The following CDH12 variants were observed in gnomAD, a reference collection of about 807,000 sequenced individuals.
CDH12 encodes cadherin 12.
Under a neutral mutation model 74.1 loss-of-function variants are expected in CDH12, and 41 were observed. That is an observed-to-expected ratio of 0.55 (90% CI 0.43 to 0.72). The LOEUF is 0.72. Among genes scored for constraint, CDH12 ranks in the 30% least tolerant of loss-of-function variants. The probability of loss-of-function intolerance (pLI) is 0.00; values close to 1 mark genes in which losing one functional copy is unlikely to be tolerated. For synonymous variants in CDH12, 399 were observed against 355.0 expected (o/e 1.12, Z -1.39); for missense variants, 945 against 977.2 (o/e 0.97, Z 0.44).
chr5:22,135,420 T>C (rs1292583891), intron 4 of CDH12, among the ~76,000 whole-genome samples: 1 of 151,992 alleles, frequency 6.6e-6, no homozygotes, highest in Non-Finnish European at 1.5e-5. Flanking sequence ...GTTAAGGATC[T>C]AAGCGTATAA....
At chr5:22,332,030 G>A (rs547398352) in intron 3 of CDH12, among the ~76,000 whole-genome samples, 8 of 152,040 alleles carry the variant, frequency 5.3e-5, no homozygotes, top group African/African-American at 1.9e-4. Flanking sequence ...ACTTCAAAAG[G>A]GCAAATCTAA....
chr5:22,649,465 A>G (rs914393144), intron 1 of CDH12, among the ~76,000 whole-genome samples: 2 of 152,014 alleles, frequency 1.3e-5, no homozygotes, highest in African/African-American at 4.8e-5. Flanking sequence ...ATACTAATGC[A>G]AGGGGAACAC....
chr5:22,404,616 T>C (rs955028539), intron 3 of CDH12, among the ~76,000 whole-genome samples: 5 of 152,196 alleles, frequency 3.3e-5, no homozygotes, highest in African/African-American at 9.6e-5. Flanking sequence ...ATGAATCTCA[T>C]GCATCAAGGT....
At chr5:22,583,117 T>C (rs1392091216) in intron 1 of CDH12, among the ~76,000 whole-genome samples, 2 of 152,146 alleles carry the variant, frequency 1.3e-5, no homozygotes, top group Non-Finnish European at 2.9e-5. Context: ...AGGAGAATCT[T>C]GGTAGTTTGG....
intron 1 of CDH12, among the ~76,000 whole-genome samples, chr5:22,851,942 T>TA (rs1737575467): frequency 2.6e-5 from 4 of 152,212 alleles, no homozygotes; most frequent in Admixed American, 2.6e-4. Context: ...TTTATAACCT[T>TA]ACAACTGCTC....
chr5:22,781,221 G>A (rs1310114893), intron 1 of CDH12, among the ~76,000 whole-genome samples: 6 of 152,126 alleles, frequency 3.9e-5, no homozygotes, highest in African/African-American at 1.2e-4. Flanking sequence ...ATTTTTCTAA[G>A]CAAAGCTTTA....
At chr5:22,423,872 G>C (rs1406237181) in intron 2 of CDH12, among the ~76,000 whole-genome samples, 1 of 151,482 alleles carries the variant, frequency 6.6e-6, no homozygotes, top group African/African-American at 2.4e-5. Flanking sequence ...GCGTGTTGGC[G>C]GGCGCCTGTA....
chr5:22,649,111 G>A (rs1739591155), intron 1 of CDH12, among the ~76,000 whole-genome samples: 1 of 151,970 alleles, frequency 6.6e-6, no homozygotes, highest in Non-Finnish European at 1.5e-5. Context: ...GTCAAAAAAG[G>A]TAGGAGGGTG....
chr5:22,301,944 C>T (rs1358875873), intron 3 of CDH12, among the ~76,000 whole-genome samples: 1 of 151,754 alleles, frequency 6.6e-6, no homozygotes, highest in Non-Finnish European at 1.5e-5. Context: ...GCTAGGATTA[C>T]AGGTGTGAAC....
intron 8 of CDH12, among the ~76,000 whole-genome samples, chr5:21,824,925 G>A (rs1214849678): frequency 1.3e-5 from 2 of 152,036 alleles, no homozygotes; most frequent in African/African-American, 4.8e-5. Flanking sequence ...AAGCCAAGAG[G>A]GGCCGATCAC....
At chr5:22,312,792 G>GA (rs1738448874) in intron 3 of CDH12, among the ~76,000 whole-genome samples, 1 of 152,138 alleles carries the variant, frequency 6.6e-6, no homozygotes, top group African/African-American at 2.4e-5. Context: ...GAATTCTGGT[G>GA]AAAATATAGT....
intron 9 of CDH12, among the ~76,000 whole-genome samples, chr5:21,814,409 T>A (rs1747930012): frequency 6.6e-6 from 1 of 152,018 alleles, no homozygotes; most frequent in Non-Finnish European, 1.5e-5. Context: ...TAGTTGAACT[T>A]ACATAACTGA....
chr5:22,795,833 G>A (rs1049996532), intron 1 of CDH12, among the ~76,000 whole-genome samples: 1 of 151,980 alleles, frequency 6.6e-6, no homozygotes. Context: ...AGTAGAGTGA[G>A]AAGTGTGAAT....
At chr5:22,503,443 T>C (rs1398126908) in intron 2 of CDH12, among the ~76,000 whole-genome samples, 1 of 152,078 alleles carries the variant, frequency 6.6e-6, no homozygotes, top group Non-Finnish European at 1.5e-5. Context: ...GAAATCTATA[T>C]ATTCATTGTT....
chr5:22,696,740 A>G (rs1742384297), intron 1 of CDH12, among the ~76,000 whole-genome samples: 2 of 152,154 alleles, frequency 1.3e-5, no homozygotes, highest in Admixed American at 6.5e-5. Flanking sequence ...TCACACCAAT[A>G]CATACTTCAG....
chr5:22,026,711 C>T (rs1383018377), intron 5 of CDH12, among the ~76,000 whole-genome samples: 1 of 151,920 alleles, frequency 6.6e-6, no homozygotes, highest in Non-Finnish European at 1.5e-5. Flanking sequence ...GTGTGTGAGC[C>T]CTGACAACAC....
intron 3 of CDH12, among the ~76,000 whole-genome samples, chr5:22,356,581 G>A (rs548714758): frequency 1.1e-4 from 17 of 151,862 alleles, no homozygotes; most frequent in Admixed American, 5.3e-4. Context: ...TTGAATTATC[G>A]CAATAAATAT....
Position 22,204,283 on chromosome 5 carries a change from C to T in CDH12, c.-187+8215G>A, listed in dbSNP as rs1751094303. On this transcript the variant is annotated intron_variant, in intron 4 of 14. Transcript: ENST00000382254. ...TCACGCCATTCTCCTGCCTCAGCCT[C>T]CCGAGTAGCTGGGACTACAGGCACC... Among the ~76,000 whole-genome samples the T allele has an allele frequency of 2.6e-5, 4 of 151,942 alleles. No individual in the cohort carries two copies. The South Asian group carries it at 8.3e-4, about 32-fold the overall frequency.
chr5:22,728,749 C>T (rs184208775), intron 1 of CDH12, among the ~76,000 whole-genome samples: 1 of 151,792 alleles, frequency 6.6e-6, no homozygotes, highest in African/African-American at 2.4e-5. Context: ...TGTGTTCTCA[C>T]GTGGCGGAGA....
Sources: allele counts gnomAD v4.1 joint callset (sites outside exome capture counted in the v4.1 genomes callset), GRCh38; gene constraint gnomAD v4.1.1; transcripts MANE v1.5; gene names NCBI Gene and HGNC (gene_info 2026-07-23, HGNC 2026-07-21).